ZC3H12B: variants seen among roughly 807,000 people sequenced by gnomAD.
ZC3H12B encodes the protein zinc finger CCCH-type containing 12B.
ZC3H12B carries 7 observed loss-of-function variants against 43.9 expected under a neutral mutation model. The ratio of observed to expected loss-of-function variants is 0.16; its 90% CI spans 0.09 to 0.30. The LOEUF (loss-of-function observed/expected upper bound fraction) is 0.30, where lower values mean the gene tolerates loss of function less well. Ranked by LOEUF, ZC3H12B falls within the 10% of genes least tolerant of loss-of-function variation. The pLI is 1.00. For missense variants in ZC3H12B, 475 were observed against 670.2 expected (o/e 0.71, Z 3.22); for synonymous variants, 222 against 241.7 (o/e 0.92, Z 0.76).
intron 3 of ZC3H12B, among the ~76,000 whole-genome samples, chrX:65,460,388 C>T (rs1460848171): frequency 5.4e-5 from 6 of 111,881 alleles, no homozygotes; most frequent in Non-Finnish European, 1.1e-4. Flanking sequence ...CAAAAAACAG[C>T]CTGCATTGCC....
intron 3 of ZC3H12B, among the ~76,000 whole-genome samples, chrX:65,453,863 T>C (rs1041377174): frequency 8.9e-6 from 1 of 111,762 alleles, no homozygotes; most frequent in Non-Finnish European, 1.9e-5. Flanking sequence ...GGAGCTAAGC[T>C]ATAACGATGC....
the ZC3H12B span, among the ~76,000 whole-genome samples, chrX:65,199,086 C>T: frequency 9.2e-6 from 1 of 108,689 alleles, no homozygotes; most frequent in Non-Finnish European, 1.9e-5. Flanking sequence ...CACGTTGGCC[C>T]CCCAAAGATA....
At chrX:65,076,919 A>G in the ZC3H12B span, among the ~76,000 whole-genome samples, 1 of 111,741 alleles carries the variant, frequency 8.9e-6, no homozygotes, top group African/African-American at 3.3e-5. Flanking sequence ...TGGTATTAGT[A>G]TCAGTTAATG....
the ZC3H12B span, among the ~76,000 whole-genome samples, chrX:65,119,420 AT>A: frequency 2.7e-5 from 3 of 111,652 alleles, no homozygotes; most frequent in Non-Finnish European, 3.8e-5. Context: ...GCATTTTTTC[AT>A]GTCTCTGTTG....
chrX:65,275,674 A>C, the ZC3H12B span, among the ~76,000 whole-genome samples: 5 of 112,131 alleles, frequency 4.5e-5, no homozygotes, highest in Non-Finnish European at 9.4e-5. Flanking sequence ...CAAAACCAAC[A>C]CCTCAAGACC....
chrX:65,156,222 T>G, the ZC3H12B span, among the ~76,000 whole-genome samples: 5 of 111,141 alleles, frequency 4.5e-5, no homozygotes, highest in African/African-American at 1.6e-4. Flanking sequence ...GACAGGGTCT[T>G]GCTGTGTCAC....
the ZC3H12B span, among the ~76,000 whole-genome samples, chrX:65,117,602 T>G: frequency 1.3e-4 from 14 of 111,968 alleles, no homozygotes; most frequent in Non-Finnish European, 2.1e-4. Context: ...TTTGTTGCCA[T>G]TGGTTTTGGT....
the ZC3H12B span, among the ~76,000 whole-genome samples, chrX:65,227,477 A>T: frequency 9.0e-6 from 1 of 110,748 alleles, no homozygotes; most frequent in East Asian, 2.8e-4. Flanking sequence ...AAAGAACTAG[A>T]AAAGCAAGAG....
At chrX:65,107,230 G>A in the ZC3H12B span, among the ~76,000 whole-genome samples, 23 of 111,593 alleles carry the variant, frequency 2.1e-4, no homozygotes, top group African/African-American at 7.5e-4. Flanking sequence ...TAACTCAAAA[G>A]GAGATGAGGC....
At chrX:65,155,079 C>G in the ZC3H12B span, among the ~76,000 whole-genome samples, 1 of 109,376 alleles carries the variant, frequency 9.1e-6, no homozygotes, top group African/African-American at 3.3e-5. Flanking sequence ...CCTCAGCATC[C>G]CAAGTAGCTG....
the ZC3H12B span, among the ~76,000 whole-genome samples, chrX:65,124,319 C>T: frequency 9.0e-6 from 1 of 111,202 alleles, no homozygotes; most frequent in Non-Finnish European, 1.9e-5. Flanking sequence ...TAAACCATCT[C>T]TGCATCCCTG....
upstream of ZC3H12B, among the ~76,000 whole-genome samples, chrX:65,364,277 A>C (rs2066143210): frequency 9.1e-6 from 1 of 109,910 alleles, no homozygotes; most frequent in Non-Finnish European, 1.9e-5. Flanking sequence ...GTTTATACTG[A>C]CTCTAAATAT....
the ZC3H12B span, among the ~76,000 whole-genome samples, chrX:65,158,550 A>G: frequency 7.2e-5 from 8 of 111,619 alleles, no homozygotes; most frequent in Non-Finnish European, 1.5e-4. Flanking sequence ...TCATGTGTTT[A>G]TTGGCTGCAT....
chrX:65,235,909 A>G, the ZC3H12B span, among the ~76,000 whole-genome samples: 1 of 111,541 alleles, frequency 9.0e-6, no homozygotes, highest in Non-Finnish European at 1.9e-5. Flanking sequence ...GTACATGGAC[A>G]CCAGAGACTT....
At chrX:65,487,155 C>T (rs369121760), upstream of ZC3H12B, among the ~76,000 whole-genome samples, 4 of 112,681 alleles carry the variant, frequency 3.5e-5, no homozygotes, top group Non-Finnish European at 5.6e-5. Flanking sequence ...ATGTTGATTA[C>T]GTTTGGCTCT....
the ZC3H12B span, among the ~76,000 whole-genome samples, chrX:65,051,853 G>T: frequency 8.4e-4 from 93 of 110,478 alleles, no homozygotes; most frequent in African/African-American, 2.9e-3. Flanking sequence ...AATCACAGGG[G>T]TACCTAAAAC....
At chrX:65,349,480 C>A in the ZC3H12B span, among the ~76,000 whole-genome samples, 1 of 111,337 alleles carries the variant, frequency 9.0e-6, no homozygotes, top group African/African-American at 3.3e-5. Flanking sequence ...CGAACAAATT[C>A]AAAATGTAGC....
the ZC3H12B span, among the ~76,000 whole-genome samples, chrX:65,144,317 T>A: frequency 3.6e-5 from 4 of 112,144 alleles, no homozygotes; most frequent in Admixed American, 3.8e-4. Context: ...TCACATGTAA[T>A]ATCTCCTGTT....
chrX:65,471,826 A>T (rs999960818), intron 3 of ZC3H12B, among the ~76,000 whole-genome samples: 2 of 111,618 alleles, frequency 1.8e-5, no homozygotes, highest in African/African-American at 6.5e-5. Flanking sequence ...TTCAATGTGA[A>T]TATCGAAATG....
Sources: allele counts gnomAD v4.1 joint callset (sites outside exome capture counted in the v4.1 genomes callset), GRCh38; gene constraint gnomAD v4.1.1; transcripts MANE v1.5; gene names NCBI Gene and HGNC (gene_info 2026-07-23, HGNC 2026-07-21).